The following SMARCA2 variants were observed in gnomAD, a reference collection of about 807,000 sequenced individuals.
The protein encoded by SMARCA2 is SWI/SNF-related matrix-associated actin-dependent regulator of chromatin subfamily A member 2.
Under a neutral mutation model 199.8 loss-of-function variants are expected in SMARCA2, and 61 were observed. That is an observed-to-expected ratio of 0.31 (90% CI 0.25 to 0.38). The LOEUF is 0.38. Ranked by LOEUF, SMARCA2 falls within the 10% of genes least tolerant of loss-of-function variation. SMARCA2 has a pLI of 1.00. For missense variants in SMARCA2, 1,344 were observed against 2,012.2 expected (o/e 0.67, Z 6.35); for synonymous variants, 935 against 732.0 (o/e 1.28, Z -4.48).
intron 14 of SMARCA2, among the ~76,000 whole-genome samples, chr9:2,079,453 G>A (rs983463528): frequency 6.6e-6 from 1 of 152,246 alleles, no homozygotes; most frequent in Non-Finnish European, 1.5e-5. Flanking sequence ...ATGACTGCCA[G>A]TACAGTACTG....
intron 27 of SMARCA2, among the ~76,000 whole-genome samples, chr9:2,126,095 T>G (rs1823681086): frequency 6.6e-6 from 1 of 152,222 alleles, no homozygotes; most frequent in South Asian, 2.1e-4. Context: ...GTGACTAACT[T>G]ATCAGCAGTG....
chr9:2,018,291 G>A (rs922376873), intron 1 of SMARCA2, among the ~76,000 whole-genome samples: 1 of 152,230 alleles, frequency 6.6e-6, no homozygotes, highest in East Asian at 1.9e-4. Context: ...TGGGTGCAAA[G>A]CCTAGACTGG....
intron 27 of SMARCA2, among the ~76,000 whole-genome samples, chr9:2,131,484 C>G (rs913961694): frequency 1.2e-4 from 19 of 152,154 alleles, no homozygotes; most frequent in Non-Finnish European, 1.9e-4. Context: ...CGATAGATAA[C>G]AGCAAGTTTT....
rs1260810197 is a variant in SMARCA2, at chr9:2,186,182, C to T, written c.4548C>T (p.Ser1516=). Residue 1516 remains serine (S), a synonymous_variant, in exon 32 of 34, where the codon AGC becomes AGT. Coordinates refer to ENST00000349721, the MANE Select transcript of SMARCA2 (RefSeq NM_003070.5). ...AAGAGGAAGAGAGTGAGGATGAAAG[C>T]AATGAAGAGGAGGAAGAGGAAGATG... ...IAKEEESEDE[S]NEEEEEEDEE... is the part of the protein sequence containing the mutation. 1.9e-6 allele frequency: 3 copies of T among 1,613,858 alleles called. No homozygotes were observed. The highest frequency in any genetic ancestry group is 1.3e-5 in the African/African-American group (1 of 74,892).
chr9:2,176,824 C>T (rs1326990369), intron 29 of SMARCA2, among the ~76,000 whole-genome samples: 2 of 151,882 alleles, frequency 1.3e-5, no homozygotes, highest in East Asian at 1.9e-4. Context: ...TCCCATAGGG[C>T]GGGGATTGCA....
chr9:2,023,504 G>T (rs746105447), intron 1 of SMARCA2, among the ~76,000 whole-genome samples: 3 of 152,094 alleles, frequency 2.0e-5, no homozygotes, highest in Admixed American at 2.0e-4. Flanking sequence ...GATTTTCTAG[G>T]GTCTTGATGG....
intron 27 of SMARCA2, among the ~76,000 whole-genome samples, chr9:2,137,822 G>GAA (rs1824274121): frequency 6.6e-6 from 1 of 152,184 alleles, no homozygotes; most frequent in Non-Finnish European, 1.5e-5. Flanking sequence ...GGCTAGGAGG[G>GAA]ATTTGGTTGC....
In SMARCA2 at chr9:2,171,379, A is replaced by G. The variant is rs113343316; in HGVS notation, c.4253+907A>G. Among the ~76,000 whole-genome samples the G allele has an allele frequency of 3.3e-3, 502 of 152,354 alleles. 1 individual carries two copies. The highest frequency in any genetic ancestry group is 0.011 in the African/African-American group (473 of 41,586). ...ACTGGAGAGAGAGAATTGAGGATGT[A>G]TCGTGTATTTCAGAATGAACACAGA... On this transcript the variant is annotated intron_variant, in intron 29 of 33. Coordinates refer to ENST00000349721, the MANE Select transcript of SMARCA2 (RefSeq NM_003070.5).
chr9:2,087,340 G>A, intron 18 of SMARCA2: 1 of 438,400 alleles, frequency 2.3e-6, no homozygotes, highest in Non-Finnish European at 4.2e-6. Context: ...CCAACCGGTG[G>A]AATGCTTAAC....
At position 2,033,012 on chromosome 9, in the gene SMARCA2, G is replaced by T; in HGVS notation, c.286G>T (p.Gly96Cys). 1 of 1,614,002 alleles carries T rather than the reference G, an allele frequency of 6.2e-7. No homozygotes were observed. Among genetic ancestry groups the T allele is most frequent in the East Asian group, 2.2e-5 (1 of 44,878 alleles). The change falls in exon 3 of 34, where the codon GGC (glycine) becomes TGC (cysteine). Residue 96 changes from glycine to cysteine, a missense_variant. Gly to Cys is a radical substitution (Grantham distance 159). This residue lies in a region of SMARCA2 where 275 missense variants were observed against 247.5 expected (regional missense o/e 1.11). Coordinates refer to ENST00000349721, the MANE Select transcript of SMARCA2 (RefSeq NM_003070.5). ...VEDIHCGSMK[G>C]TGMRPPHPGM... is the part of the protein sequence containing the mutation. Reference sequence around the variant, plus strand: ...AGACATCCATTGTGGATCCATGAAGGGCACTGGTATGCGACCACCTCACCC... The same window carrying T: ...AGACATCCATTGTGGATCCATGAAGTGCACTGGTATGCGACCACCTCACCC...
chr9:2,114,427 G>A (rs924474903), intron 24 of SMARCA2, among the ~76,000 whole-genome samples: 3 of 152,182 alleles, frequency 2.0e-5, no homozygotes, highest in Admixed American at 6.5e-5. Context: ...TACAACAGGT[G>A]ACCAGGAGAC....
intron 27 of SMARCA2, among the ~76,000 whole-genome samples, chr9:2,149,177 G>C (rs1224959534): frequency 6.6e-6 from 1 of 151,252 alleles, no homozygotes; most frequent in Non-Finnish European, 1.5e-5. Flanking sequence ...GAGGCAAAAG[G>C]CACTTCTTAC....
At chr9:2,019,156 C>G (rs1468560090) in intron 1 of SMARCA2, among the ~76,000 whole-genome samples, 1 of 151,642 alleles carries the variant, frequency 6.6e-6, no homozygotes, top group Non-Finnish European at 1.5e-5. Context: ...AAAAACAACC[C>G]AGTAGATCAG....
At chr9:2,190,905 G>A (rs1005944492) in intron 32 of SMARCA2, among the ~76,000 whole-genome samples, 2 of 152,090 alleles carry the variant, frequency 1.3e-5, no homozygotes, top group East Asian at 3.8e-4. Context: ...TATTTTTAAT[G>A]TAAAAGTTCT....
intron 31 of SMARCA2, among the ~76,000 whole-genome samples, chr9:2,183,117 G>C (rs1827174291): frequency 6.6e-6 from 1 of 152,182 alleles, no homozygotes. Context: ...AATTAGAGGA[G>C]GGATTCAAGT....
intron 6 of SMARCA2, 45 bp downstream of exon 6, chr9:2,054,768 T>G: frequency 6.3e-7 from 1 of 1,599,658 alleles, no homozygotes; most frequent in Non-Finnish European, 8.6e-7. Flanking sequence ...GAAATAAATG[T>G]AATTGTTCCT....
At chr9:2,156,938 C>T (rs901981756) in intron 27 of SMARCA2, among the ~76,000 whole-genome samples, 2 of 152,086 alleles carry the variant, frequency 1.3e-5, no homozygotes, top group African/African-American at 2.4e-5. Context: ...ACAGTATTTG[C>T]TTTTTTGCGT....
At position 2,119,274 on chromosome 9, in the gene SMARCA2, G is replaced by C. The variant is rs1230215822; in HGVS notation, c.3685-184G>C. 6.6e-6 allele frequency among the ~76,000 whole-genome samples: 1 copy of C among 152,198 alleles called. No individual in the cohort carries two copies. Among genetic ancestry groups the C allele is most frequent in the East Asian group, 1.9e-4 (1 of 5,196 alleles). ...ACAGTTTCCTCCCTGAACGGATTTT[G>C]CTCTGGGAAGATGGTTTTAATAGCT... On this transcript the variant is annotated intron_variant, in intron 25 of 33. Transcript: ENST00000349721. The surrounding 1 kb of genome is among the most constrained non-coding windows in gnomAD (Gnocchi z 4.6).
intron 32 of SMARCA2, among the ~76,000 whole-genome samples, chr9:2,190,036 C>G (rs888589644): frequency 9.9e-5 from 15 of 152,194 alleles, no homozygotes; most frequent in African/African-American, 2.9e-4. Flanking sequence ...TTTTCAGTGC[C>G]TTCATCATCA....
Sources: allele counts gnomAD v4.1 joint callset (sites outside exome capture counted in the v4.1 genomes callset), GRCh38; gene constraint gnomAD v4.1.1; regional missense constraint gnomAD v4.1.1; non-coding constraint Gnocchi (gnomAD v3.1); transcripts MANE v1.5; gene names NCBI Gene and HGNC (gene_info 2026-07-23, HGNC 2026-07-21).